Variants in AHCTF1 observed in about 807,000 individuals in gnomAD.
AHCTF1 encodes AT-hook containing transcription factor 1, also known as protein ELYS.
AHCTF1 carries 24 observed loss-of-function variants against 248.4 expected under a neutral mutation model. The ratio of observed to expected loss-of-function variants is 0.10; its 90% CI spans 0.07 to 0.14. AHCTF1 has a LOEUF of 0.14. Ranked by LOEUF, AHCTF1 falls within the 10% of genes least tolerant of loss-of-function variation. AHCTF1 has a pLI of 1.00. For synonymous variants in AHCTF1, 786 were observed against 929.8 expected (o/e 0.85, Z 2.81); for missense variants, 2,206 against 2,636.2 (o/e 0.84, Z 3.57).
rs752739097 is a variant in AHCTF1, at chr1:246,885,691, C to T, written c.2473-11G>A. 8 of 1,599,752 alleles carry T rather than the reference C, an allele frequency of 5.0e-6. No homozygotes were observed. Among genetic ancestry groups the T allele is most frequent in the South Asian group, 1.1e-5 (1 of 89,496 alleles). ...AAGATCCAAACCACTCTGGAAATAACATGAAAAATGTTAAATATAAATATA... is the reference window on the plus strand; with the variant it reads ...AAGATCCAAACCACTCTGGAAATAATATGAAAAATGTTAAATATAAATATA... On this transcript the variant is annotated splice_polypyrimidine_tract_variant and intron_variant, in intron 20 of 35. Coordinates refer to ENST00000648844, the MANE Select transcript of AHCTF1 (RefSeq NM_001323342.2).
At chr1:246,868,319 C>T (rs966919543) in intron 24 of AHCTF1, among the ~76,000 whole-genome samples, 3 of 151,940 alleles carry the variant, frequency 2.0e-5, no homozygotes, top group Non-Finnish European at 4.4e-5. Context: ...AAGGGTTTCA[C>T]CATGTTGGCC....
intron 5 of AHCTF1, 118 bp from the exon 6 acceptor site, chr1:246,905,775 T>C: frequency 1.4e-6 from 1 of 723,076 alleles, no homozygotes; most frequent in South Asian, 1.8e-5. Flanking sequence ...GAATAAGTGA[T>C]CTGTGGGCCA....
intron 24 of AHCTF1, among the ~76,000 whole-genome samples, chr1:246,868,938 G>C (rs188662158): frequency 3.4e-5 from 5 of 149,168 alleles, no homozygotes; most frequent in African/African-American, 5.0e-5. Context: ...TCTGCCTCCC[G>C]GGTTCACGCC....
chr1:246,878,932 A>T (rs1272681579), intron 21 of AHCTF1, among the ~76,000 whole-genome samples: 1 of 152,232 alleles, frequency 6.6e-6, no homozygotes, highest in Non-Finnish European at 1.5e-5. Context: ...ACTTGGGTGT[A>T]GAAGAGTGTT....
At chr1:246,910,920 A>C (rs568026532) in intron 4 of AHCTF1, among the ~76,000 whole-genome samples, 1 of 152,374 alleles carries the variant, frequency 6.6e-6, no homozygotes, top group South Asian at 2.1e-4. Context: ...AAGCTGCAGA[A>C]CAATATTTAT....
At chr1:246,855,578 T>A (rs1023989010) in intron 31 of AHCTF1, 152 bp downstream of exon 31, 2 of 595,728 alleles carry the variant, frequency 3.4e-6, no homozygotes, top group South Asian at 4.6e-5. Flanking sequence ...CTCCTTAGAA[T>A]ACTTCTACAC....
intron 12 of AHCTF1, among the ~76,000 whole-genome samples, chr1:246,897,022 C>G (rs940182214): frequency 4.6e-5 from 7 of 152,120 alleles, no homozygotes; most frequent in African/African-American, 1.7e-4. Context: ...AATGAGAAAA[C>G]TCAGTAACTG....
At position 246,853,057 on chromosome 1, in the gene AHCTF1, A is replaced by G. The variant is rs111792872; in HGVS notation, c.4563+34T>C. The G allele has an allele frequency of 6.3e-3, 9,667 of 1,523,548 alleles. 542 individuals are homozygous for G. The African/African-American group carries it at 0.11, about 18-fold the overall frequency. 94.4% of individuals were successfully genotyped at this position (1,523,548 alleles called of 1,614,324 possible). ...GAAACAACTAAACCAAAACTGAAAGACTGATAAAGAAGTAAAAAATTAATT... is the reference window on the plus strand; with the variant it reads ...GAAACAACTAAACCAAAACTGAAAGGCTGATAAAGAAGTAAAAAATTAATT... On this transcript the variant is annotated intron_variant, in intron 32 of 35. Transcript: ENST00000648844.
chr1:246,857,493 A>G (rs1003591629), intron 30 of AHCTF1, among the ~76,000 whole-genome samples, 198 bp downstream of exon 30: 6 of 152,196 alleles, frequency 3.9e-5, no homozygotes, highest in East Asian at 3.8e-4. Context: ...GTGTCTCTGT[A>G]TATTTCCGAA....
At chr1:246,905,034 C>T (rs2103185861) in intron 6 of AHCTF1, among the ~76,000 whole-genome samples, 1 of 152,308 alleles carries the variant, frequency 6.6e-6, no homozygotes, top group Middle Eastern at 3.4e-3. Flanking sequence ...TAAGTCCGCA[C>T]AATTTCTTCT....
At chr1:246,872,051 C>CAAAAAAAAAAAAAAAAAAAAAAAA in intron 24 of AHCTF1, among the ~76,000 whole-genome samples, 1 of 83,732 alleles carries the variant, frequency 1.2e-5, no homozygotes, top group Non-Finnish European at 2.7e-5. Context: ...CTATTAATGA[C>CAAAAAAAAAAAAAAAAAAAAAAAA]AAAAAAAAAA....
chr1:246,851,569 A>ATACTT, intron 32 of AHCTF1, 127 bp from the exon 33 acceptor site: 1 of 789,544 alleles, frequency 1.3e-6, no homozygotes, highest in South Asian at 2.2e-5. Context: ...AATATGGCAT[A>ATACTT]TACTTATGGG....
intron 25 of AHCTF1, 124 bp downstream of exon 25, chr1:246,867,537 A>G: frequency 3.9e-6 from 5 of 1,272,454 alleles, no homozygotes; most frequent in South Asian, 2.8e-5. Context: ...GCCAACATAA[A>G]GAGTTTTTCT....
At position 246,864,703 on chromosome 1, in the gene AHCTF1, G is replaced by A. The variant is rs557424396; in HGVS notation, c.3348-587C>T. ...ACAAAAAAAAAAATTAGCCGGGCGC[G>A]GTGGCGGGCGCCTGTAGTCCCAGCT... On this transcript the variant is annotated intron_variant, in intron 26 of 35. Transcript: ENST00000648844. Among the ~76,000 whole-genome samples the A allele has an allele frequency of 3.5e-3, 166 of 47,766 alleles. 54 individuals carry two copies. The highest frequency in any genetic ancestry group is 6.8e-3 in the African/African-American group (21 of 3,068). 31.3% of individuals were successfully genotyped at this position (47,766 alleles called of 152,430 possible).
rs1303426834 is a variant in AHCTF1 at position 246,839,844 on chromosome 1, G to C, written c.*962C>G. 1 of 152,592 alleles carries C rather than the reference G, an allele frequency of 6.6e-6. No homozygotes were observed. The highest frequency in any genetic ancestry group is 2.4e-5 in the African/African-American group (1 of 41,420). The allele number at this position is 152,592 out of a possible 1,614,324, so 9.5% of individuals were successfully genotyped here. A position where few individuals can be genotyped will look rare whatever the true frequency, so the allele number is the denominator to read the frequency against. On this transcript the variant is annotated 3_prime_UTR_variant, in exon 36 of 36. Coordinates refer to ENST00000648844, the MANE Select transcript of AHCTF1 (RefSeq NM_001323342.2). ...CACACAGTTGTACTGTAGAGAACAG[G>C]GCGTGTGTTGTTTTTCTCCTTTTCT...
chr1:246,901,495 G>C (rs1192773364), intron 8 of AHCTF1, among the ~76,000 whole-genome samples: 1 of 152,172 alleles, frequency 6.6e-6, no homozygotes, highest in East Asian at 1.9e-4. Flanking sequence ...ATGGTGGCGG[G>C]TGCTTGTAGC....
chr1:246,915,665 G>T (rs1666094350), intron 3 of AHCTF1, among the ~76,000 whole-genome samples: 1 of 152,170 alleles, frequency 6.6e-6, no homozygotes, highest in African/African-American at 2.4e-5. Flanking sequence ...TAAAAGCACA[G>T]ACCAAGTTCA....
intron 14 of AHCTF1, among the ~76,000 whole-genome samples, 185 bp downstream of exon 14, chr1:246,894,474 T>G (rs893146573): frequency 3.3e-5 from 5 of 151,672 alleles, no homozygotes; most frequent in East Asian, 1.9e-4. Context: ...ACCCGGGAGG[T>G]GGAGCCTGCA....
At chr1:246,909,141 G>T (rs1428598564) in intron 4 of AHCTF1, among the ~76,000 whole-genome samples, 3 of 149,484 alleles carry the variant, frequency 2.0e-5, no homozygotes, top group Non-Finnish European at 3.0e-5. Flanking sequence ...GCCAGGTGAG[G>T]TGGCTCATGC....
Sources: allele counts gnomAD v4.1 joint callset (sites outside exome capture counted in the v4.1 genomes callset), GRCh38; gene constraint gnomAD v4.1.1; transcripts MANE v1.5; gene names NCBI Gene and HGNC (gene_info 2026-07-23, HGNC 2026-07-21).